Variants in CLSTN2 observed in about 807,000 individuals in gnomAD.
CLSTN2 encodes calsyntenin 2.
A neutral mutation model predicts 101.2 loss-of-function variants in CLSTN2; 48 were observed. The observed-to-expected ratio is 0.47, with a 90% CI of 0.38 to 0.60. CLSTN2 has a LOEUF of 0.60. CLSTN2 is among the 20% of genes least tolerant of loss of function. CLSTN2 has a pLI of 0.00. For synonymous variants in CLSTN2, 481 were observed against 463.6 expected (o/e 1.04, Z -0.48); for missense variants, 1,160 against 1,238.2 (o/e 0.94, Z 0.95).
At chr3:140,076,050 C>T (rs1307930685) in intron 1 of CLSTN2, among the ~76,000 whole-genome samples, 1 of 152,164 alleles carries the variant, frequency 6.6e-6, no homozygotes, top group African/African-American at 2.4e-5. Context: ...CTTTACACCT[C>T]TTACAGCCTC....
intron 8 of CLSTN2, among the ~76,000 whole-genome samples, chr3:140,492,083 A>G (rs2107757920): frequency 6.6e-6 from 1 of 152,308 alleles, no homozygotes; most frequent in Non-Finnish European, 1.5e-5. Flanking sequence ...ACTTCATTAT[A>G]TGTTGGGGAA....
At chr3:140,148,194 T>G (rs919605115) in intron 1 of CLSTN2, among the ~76,000 whole-genome samples, 3 of 152,144 alleles carry the variant, frequency 2.0e-5, no homozygotes, top group African/African-American at 7.2e-5. Flanking sequence ...GTGGGGACCT[T>G]AGAGGATCCT....
chr3:140,095,521 T>C (rs950663508), intron 1 of CLSTN2, among the ~76,000 whole-genome samples: 2 of 152,252 alleles, frequency 1.3e-5, no homozygotes, highest in South Asian at 2.1e-4. Flanking sequence ...GAGGAAGCAG[T>C]TGGCTATCTA....
At chr3:140,529,636 C>T (rs1344631634) in intron 8 of CLSTN2, among the ~76,000 whole-genome samples, 1 of 152,166 alleles carries the variant, frequency 6.6e-6, no homozygotes, top group African/African-American at 2.4e-5. Flanking sequence ...TTATAAAACC[C>T]TAATTAGGCA....
chr3:140,540,368 T>C (rs1935451233), intron 9 of CLSTN2, among the ~76,000 whole-genome samples: 1 of 152,224 alleles, frequency 6.6e-6, no homozygotes, highest in African/African-American at 2.4e-5. Flanking sequence ...ACAAGCCACC[T>C]GCAGCCTACA....
intron 2 of CLSTN2, among the ~76,000 whole-genome samples, chr3:140,364,204 G>A (rs1311651693): frequency 2.6e-5 from 4 of 152,116 alleles, no homozygotes; most frequent in African/African-American, 9.7e-5. Context: ...ACAGTCATGG[G>A]TATCAGACAC....
At chr3:140,170,950 C>T (rs2010202790) in intron 1 of CLSTN2, among the ~76,000 whole-genome samples, 1 of 152,142 alleles carries the variant, frequency 6.6e-6, no homozygotes, top group Admixed American at 6.6e-5. Flanking sequence ...GATTTCATTG[C>T]CTGCCACTGA....
chr3:140,218,970 T>C (rs545874080), intron 2 of CLSTN2, among the ~76,000 whole-genome samples: 74 of 152,276 alleles, frequency 4.9e-4, no homozygotes, highest in African/African-American at 1.8e-3. Context: ...TGGTGTCTGA[T>C]TCATACACGA....
chr3:140,302,114 C>T (rs970096543), intron 2 of CLSTN2, among the ~76,000 whole-genome samples: 1 of 152,126 alleles, frequency 6.6e-6, no homozygotes, highest in Non-Finnish European at 1.5e-5. Flanking sequence ...CCACTAGACC[C>T]GTGTCTTAAT....
chr3:140,458,335 A>G (rs9868325), intron 6 of CLSTN2, among the ~76,000 whole-genome samples: 65,183 of 151,864 alleles, frequency 0.43, 14,859 homozygotes, highest in Middle Eastern at 0.54. Flanking sequence ...TCAGTGCCAT[A>G]TGAGGAAACA....
chr3:140,030,719 G>A (rs7640112), intron 1 of CLSTN2, among the ~76,000 whole-genome samples: 3,150 of 152,284 alleles, frequency 0.021, 115 homozygotes, highest in African/African-American at 0.07. Context: ...CTAATACTTC[G>A]TAGGAGATAA....
chr3:140,257,429 T>A (rs1029939263), intron 2 of CLSTN2, among the ~76,000 whole-genome samples: 1 of 152,218 alleles, frequency 6.6e-6, no homozygotes, highest in Non-Finnish European at 1.5e-5. Flanking sequence ...ACATGTGTTA[T>A]GACAGCATCT....
chr3:140,219,460 G>T (rs1401092548), intron 2 of CLSTN2, among the ~76,000 whole-genome samples: 1 of 152,118 alleles, frequency 6.6e-6, no homozygotes, highest in African/African-American at 2.4e-5. Context: ...AGAATTCAAA[G>T]CTCCTTAAGA....
chr3:140,478,664 C>A (rs1934041529), intron 8 of CLSTN2, among the ~76,000 whole-genome samples: 1 of 152,194 alleles, frequency 6.6e-6, no homozygotes, highest in South Asian at 2.1e-4. Flanking sequence ...GTGATGGTTG[C>A]ACAACTATAT....
chr3:140,370,494 A>C (rs2087841030), intron 2 of CLSTN2, among the ~76,000 whole-genome samples: 1 of 152,018 alleles, frequency 6.6e-6, no homozygotes, highest in African/African-American at 2.4e-5. Context: ...GGAGGGAGAG[A>C]AGAAGGGAGG....
At chr3:140,136,180 C>T (rs146093358) in intron 1 of CLSTN2, among the ~76,000 whole-genome samples, 32 of 152,260 alleles carry the variant, frequency 2.1e-4, no homozygotes, top group African/African-American at 6.7e-4. Context: ...CATTGTTCCC[C>T]TAGAGGATCT....
In CLSTN2 at chr3:140,475,921, C is replaced by T. The variant is rs115268308; in HGVS notation, c.1344+9190C>T. 1.6e-3 allele frequency among the ~76,000 whole-genome samples: 243 copies of T among 152,216 alleles called. 1 individual carries two copies. Among genetic ancestry groups the T allele is most frequent in the African/African-American group, 4.8e-3 (198 of 41,540 alleles). ...TTTACAGTTAAAAAGAATGAAGTAACGTCAACACAATTATAAATGCTTAGT... is the reference window on the plus strand; with the variant it reads ...TTTACAGTTAAAAAGAATGAAGTAATGTCAACACAATTATAAATGCTTAGT... On this transcript the variant is annotated intron_variant, in intron 8 of 16. Coordinates refer to ENST00000458420, the MANE Select transcript of CLSTN2 (RefSeq NM_022131.3).
At chr3:140,446,197 G>A (rs1292777896) in intron 5 of CLSTN2, among the ~76,000 whole-genome samples, 1 of 152,152 alleles carries the variant, frequency 6.6e-6, no homozygotes, top group African/African-American at 2.4e-5. Flanking sequence ...GATTGCACTT[G>A]AGGCTTTTAG....
At chr3:140,001,530 T>C (rs558768227) in intron 1 of CLSTN2, among the ~76,000 whole-genome samples, 30 of 152,206 alleles carry the variant, frequency 2.0e-4, no homozygotes, top group African/African-American at 7.0e-4. Flanking sequence ...GTTCATGAGA[T>C]GTTTTGATAC....
Sources: allele counts gnomAD v4.1 joint callset (sites outside exome capture counted in the v4.1 genomes callset), GRCh38; gene constraint gnomAD v4.1.1; transcripts MANE v1.5; gene names NCBI Gene and HGNC (gene_info 2026-07-23, HGNC 2026-07-21).